Variants in PCID2 observed in about 807,000 individuals in gnomAD.
The protein encoded by PCID2 is PCI domain containing 2.
In PCID2, 41 loss-of-function variants were observed where a neutral mutation model predicts 61.3. The ratio of observed to expected loss-of-function variants is 0.67; its 90% CI spans 0.52 to 0.87. PCID2 has a LOEUF of 0.87. Ranked by LOEUF, PCID2 falls within the 40% of genes least tolerant of loss-of-function variation. The pLI is 0.00. For synonymous variants in PCID2, 187 were observed against 177.8 expected (o/e 1.05, Z -0.41); for missense variants, 392 against 493.4 (o/e 0.79, Z 1.95).
At chr13:113,190,608 T>C (rs2038529980) in intron 7 of PCID2, 4 of 312,982 alleles carry the variant, frequency 1.3e-5, no homozygotes, top group South Asian at 2.8e-4. Context: ...GAAAGGGAAA[T>C]GGCACTAGAC....
At chr13:113,192,016 G>A (rs1470432485) in intron 6 of PCID2, among the ~76,000 whole-genome samples, 10 of 152,158 alleles carry the variant, frequency 6.6e-5, no homozygotes, top group Admixed American at 6.5e-4. Context: ...CAGCACTTTC[G>A]GGAGGCTGAG....
chr13:113,208,422 G>A, intron 1 of PCID2, 177 bp downstream of exon 1: 1 of 1,490,468 alleles, frequency 6.7e-7, no homozygotes. Flanking sequence ...AACTCGGGCC[G>A]CCTTCCCGAG....
intron 8 of PCID2, 121 bp from the exon 9 acceptor site, chr13:113,184,608 T>C (rs552791539): frequency 4.7e-6 from 3 of 641,630 alleles, no homozygotes; most frequent in South Asian, 4.0e-5. Flanking sequence ...ATAACAATTA[T>C]TTATATAATA....
intron 9 of PCID2, among the ~76,000 whole-genome samples, chr13:113,181,530 C>T (rs1159331976): frequency 2.0e-5 from 3 of 152,164 alleles, no homozygotes; most frequent in Non-Finnish European, 4.4e-5. Context: ...ATTATGATAA[C>T]ATTTTAAAAG....
intron 7 of PCID2, chr13:113,190,589 G>C (rs1027957542): frequency 3.6e-6 from 1 of 279,830 alleles, no homozygotes; most frequent in Non-Finnish European, 6.6e-6. Flanking sequence ...GTGGAAGAAA[G>C]TGCCTCAGGA....
At chr13:113,200,692 ATTTCT>A (rs1200754038) in intron 1 of PCID2, 176 bp from the exon 2 acceptor site, 15 of 362,798 alleles carry the variant, frequency 4.1e-5, no homozygotes, top group Non-Finnish European at 5.9e-5. Flanking sequence ...GTAAACAATA[ATTTCT>A]TTTTTTTTTT....
Position 113,178,030 on chromosome 13 carries a change from G to A in PCID2, c.*168C>T, listed in dbSNP as rs2037262549. 2.0e-6 allele frequency: 1 copy of A among 505,996 alleles called. No homozygotes were observed. The highest frequency in any genetic ancestry group is 2.5e-5 in the South Asian group (1 of 40,238). The allele number at this position is 505,996 out of a possible 1,614,324, so 31.3% of individuals were successfully genotyped here. ...CAGGCTGAAATTAGTTACAAATGAA[G>A]GAGATTAACTCGGGTGTGCTGAAAA... On this transcript the variant is annotated 3_prime_UTR_variant, in exon 14 of 14. Coordinates refer to ENST00000337344, the MANE Select transcript of PCID2 (RefSeq NM_001127202.4).
chr13:113,179,416 A>G lies in PCID2; in HGVS notation c.987-327T>C, dbSNP rs1453962460. On this transcript the variant is annotated intron_variant, in intron 12 of 13. Coordinates refer to ENST00000337344, the MANE Select transcript of PCID2 (RefSeq NM_001127202.4). The surrounding 1 kb of genome is among the most constrained non-coding windows in gnomAD (Gnocchi z 4.3). ...ACAGACTCAGCGAAATAGGGTCCCT[A>G]CTGTTTGTGACGTGCTACCCACAGC... is the stretch of plus-strand genomic sequence containing the variant. 1.3e-5 allele frequency among the ~76,000 whole-genome samples: 2 copies of G among 151,976 alleles called. No homozygotes were observed. Among genetic ancestry groups the G allele is most frequent in the Non-Finnish European group, 2.9e-5 (2 of 68,010 alleles).
intron 8 of PCID2, among the ~76,000 whole-genome samples, chr13:113,185,030 A>G (rs1364802104): frequency 6.6e-6 from 1 of 152,262 alleles, no homozygotes; most frequent in African/African-American, 2.4e-5. Context: ...AGAAGGCACA[A>G]GTCCCAGCTG....
Position 113,177,580 on chromosome 13 carries a change from T to G in PCID2, c.*618A>C, listed in dbSNP as rs1839734350. The G allele has an allele frequency of 6.6e-6, 1 of 152,240 alleles. No homozygotes were observed. Among genetic ancestry groups the G allele is most frequent in the Non-Finnish European group, 1.5e-5 (1 of 68,042 alleles). The allele number at this position is 152,240 out of a possible 1,614,324, so 9.4% of individuals were successfully genotyped here. Reference sequence around the variant, plus strand: ...AATGTATTTTCAATTTAAGATGGTTTTTTAAAAGAAATTTTTTTTTAACCA... The same window carrying G: ...AATGTATTTTCAATTTAAGATGGTTGTTTAAAAGAAATTTTTTTTTAACCA... On this transcript the variant is annotated 3_prime_UTR_variant, in exon 14 of 14. Coordinates refer to ENST00000337344, the MANE Select transcript of PCID2 (RefSeq NM_001127202.4).
intron 13 of PCID2, 140 bp downstream of exon 13, chr13:113,178,826 T>C (rs1345543603): frequency 5.6e-6 from 4 of 713,810 alleles, no homozygotes; most frequent in Non-Finnish European, 2.3e-6. Context: ...GTGAATGGTA[T>C]TTCCTGGGCT....
intron 1 of PCID2, among the ~76,000 whole-genome samples, chr13:113,205,681 T>C (rs2039756911): frequency 6.6e-6 from 1 of 152,162 alleles, no homozygotes; most frequent in Non-Finnish European, 1.5e-5. Flanking sequence ...CACTGACACA[T>C]GTTCCAACAC....
In PCID2 at chr13:113,195,115, C is replaced by T. The variant is rs1210970802; in HGVS notation, c.319G>A (p.Val107Ile). Residue 107 changes from valine to isoleucine, a missense_variant, in exon 6 of 14, where the codon GTC becomes ATC. Physicochemically the swap from Val to Ile is conservative, Grantham distance 29 (BLOSUM62 3). Around this residue, in one of 3 missense-constraint regions of PCID2, gnomAD observed 155 missense variants for 164.9 expected, o/e 0.94. Transcript: ENST00000337344. ...AHKEENWALPVMYAVALDLRV... is the reference protein window; with the variant it reads ...AHKEENWALPIMYAVALDLRV... ...AGGTCAAGCGCTACTGCATACATGA[C>T]AGGCAGAGCCCTGCAGGGCAAAAAA... 1.2e-6 allele frequency: 2 copies of T among 1,610,148 alleles called. No homozygotes were observed. The highest frequency in any genetic ancestry group is 1.7e-6 in the Non-Finnish European group (2 of 1,176,290).
chr13:113,184,414 G>A lies in PCID2; in HGVS notation c.617C>T (p.Thr206Ile), dbSNP rs1184952453. 1 of 1,608,874 alleles carries A rather than the reference G, an allele frequency of 6.2e-7. No individual in the cohort carries two copies. Among genetic ancestry groups the A allele is most frequent in the South Asian group, 1.1e-5 (1 of 90,976 alleles). Residue 206 changes from threonine to isoleucine, a missense_variant, in exon 9 of 14, where the codon ACT (threonine) becomes ATT (isoleucine). Transcript: ENST00000337344. ...GTATTTGTATGTTACTCTCTGTGCAGTGCTGTAATCGTCTTTCAGGTTTGA... is the reference window on the plus strand; with the variant it reads ...GTATTTGTATGTTACTCTCTGTGCAATGCTGTAATCGTCTTTCAGGTTTGA... ...DSSNLKDDYSTAQRVTYKYYV... is the reference protein window; with the variant it reads ...DSSNLKDDYSIAQRVTYKYYV...
intron 5 of PCID2, among the ~76,000 whole-genome samples, chr13:113,195,602 G>C (rs2038954419): frequency 6.6e-6 from 1 of 152,090 alleles, no homozygotes; most frequent in Non-Finnish European, 1.5e-5. Flanking sequence ...GGGAGGCAGA[G>C]GCTGCAGTGA....
chr13:113,169,152 C>A, the PCID2 span, among the ~76,000 whole-genome samples: 1 of 152,154 alleles, frequency 6.6e-6, no homozygotes, highest in Admixed American at 6.5e-5. Flanking sequence ...TTTCAAAAAT[C>A]TCCGTTCTCT....
At chr13:113,176,531 GT>G (rs2037190382), downstream of PCID2, among the ~76,000 whole-genome samples, 1 of 152,284 alleles carries the variant, frequency 6.6e-6, no homozygotes, top group East Asian at 1.9e-4. Context: ...GGAGGCCGAG[GT>G]GGGGGAATTG....
At chr13:113,200,069 T>C (rs2039302795) in intron 2 of PCID2, among the ~76,000 whole-genome samples, 2 of 152,222 alleles carry the variant, frequency 1.3e-5, no homozygotes, top group Non-Finnish European at 2.9e-5. Context: ...CCAGCCTTTC[T>C]GACTAACAAC....
At chr13:113,189,364 C>A (rs990651965) in intron 7 of PCID2, among the ~76,000 whole-genome samples, 4 of 151,600 alleles carry the variant, frequency 2.6e-5, no homozygotes, top group Non-Finnish European at 5.9e-5. Flanking sequence ...CTCAGGTATT[C>A]CCCTCTTTTC....
Sources: allele counts gnomAD v4.1 joint callset (sites outside exome capture counted in the v4.1 genomes callset), GRCh38; gene constraint gnomAD v4.1.1; regional missense constraint gnomAD v4.1.1; non-coding constraint Gnocchi (gnomAD v3.1); transcripts MANE v1.5; gene names NCBI Gene and HGNC (gene_info 2026-07-23, HGNC 2026-07-21).